PTPRM: variants seen among roughly 807,000 people sequenced by gnomAD.
The protein encoded by PTPRM is receptor-type tyrosine-protein phosphatase mu.
A neutral mutation model predicts 186.7 loss-of-function variants in PTPRM; 47 were observed. That is an observed-to-expected ratio of 0.25 (90% confidence interval 0.20 to 0.32). PTPRM has a LOEUF of 0.32. PTPRM is among the 10% of genes least tolerant of loss of function. The probability of loss-of-function intolerance (pLI) is 1.00; values close to 1 mark genes in which losing one functional copy is unlikely to be tolerated. For missense variants in PTPRM, 1,494 were observed against 1,865.0 expected, an observed-to-expected ratio of 0.80 and a Z score of 3.66; for synonymous variants, 668 against 674.9, an observed-to-expected ratio of 0.99 and a Z score of 0.16.
intron 2 of PTPRM, among the ~76,000 whole-genome samples, chr18:7,805,772 T>C (rs1368731106): frequency 1.3e-5 from 2 of 152,192 alleles, no homozygotes; most frequent in African/African-American, 4.8e-5. Context: ...ACTATGAAGA[T>C]GATAAAAGGG....
At chr18:7,857,779 A>G (rs2047163477) in intron 2 of PTPRM, among the ~76,000 whole-genome samples, 1 of 152,204 alleles carries the variant, frequency 6.6e-6, no homozygotes. Flanking sequence ...CGACATCAGT[A>G]GAGGACTAGA....
At chr18:7,717,722 G>T (rs573020092) in intron 1 of PTPRM, among the ~76,000 whole-genome samples, 1 of 152,328 alleles carries the variant, frequency 6.6e-6, no homozygotes, top group African/African-American at 2.4e-5. Flanking sequence ...AGGCAATCCT[G>T]CCTGGATGCT....
At chr18:7,679,463 G>A (rs1395986297) in intron 1 of PTPRM, among the ~76,000 whole-genome samples, 1 of 152,074 alleles carries the variant, frequency 6.6e-6, no homozygotes, top group East Asian at 1.9e-4. Flanking sequence ...TCATGAGTTC[G>A]AGACTAGCCT....
intron 19 of PTPRM, among the ~76,000 whole-genome samples, chr18:8,261,802 G>A (rs548872881): frequency 1.3e-5 from 2 of 152,304 alleles, no homozygotes; most frequent in East Asian, 3.9e-4. Flanking sequence ...CTATTTGTGT[G>A]AAGCACTTCT....
intron 3 of PTPRM, among the ~76,000 whole-genome samples, chr18:7,899,393 A>C (rs542367975): frequency 6.6e-6 from 1 of 152,264 alleles, no homozygotes; most frequent in African/African-American, 2.4e-5. Context: ...GTTACAAATA[A>C]ATTTTAGGGA....
chr18:7,610,420 C>T (rs1390141882), intron 1 of PTPRM, among the ~76,000 whole-genome samples: 1 of 152,044 alleles, frequency 6.6e-6, no homozygotes, highest in East Asian at 1.9e-4. Context: ...CCAGTGTCCT[C>T]CAGAACCCTT....
chr18:8,161,720 T>C (rs1353485528), intron 14 of PTPRM, among the ~76,000 whole-genome samples: 1 of 152,198 alleles, frequency 6.6e-6, no homozygotes, highest in Non-Finnish European at 1.5e-5. Context: ...TGTTGTCTTA[T>C]ACCAACCAGG....
At chr18:8,391,964 A>T (rs1002610448) in intron 31 of PTPRM, among the ~76,000 whole-genome samples, 2 of 152,270 alleles carry the variant, frequency 1.3e-5, no homozygotes, top group Non-Finnish European at 2.9e-5. Context: ...AGAAAGCAGC[A>T]TATTAAATAA....
intron 2 of PTPRM, among the ~76,000 whole-genome samples, chr18:7,861,377 G>A (rs1471748802): frequency 6.6e-6 from 1 of 151,784 alleles, no homozygotes; most frequent in Non-Finnish European, 1.5e-5. Context: ...AAAACTAAGT[G>A]AGACTAACAA....
At chr18:7,693,891 GA>G (rs901879291) in intron 1 of PTPRM, among the ~76,000 whole-genome samples, 5 of 149,866 alleles carry the variant, frequency 3.3e-5, no homozygotes, top group African/African-American at 9.8e-5. Flanking sequence ...AGGAGTAGGG[GA>G]AGGAAGAGAT....
intron 2 of PTPRM, among the ~76,000 whole-genome samples, chr18:7,853,552 G>A (rs1201644637): frequency 6.6e-6 from 1 of 152,170 alleles, no homozygotes; most frequent in Non-Finnish European, 1.5e-5. Flanking sequence ...TTGTTCTTTG[G>A]TATTTCACTC....
intron 32 of PTPRM, among the ~76,000 whole-genome samples, chr18:8,405,733 G>T (rs147115520): frequency 4.6e-5 from 7 of 152,204 alleles, no homozygotes; most frequent in Non-Finnish European, 1.0e-4. Flanking sequence ...AGGGCCTTGT[G>T]AGAGATGTCA....
chr18:7,766,877 C>G (rs543258185), intron 1 of PTPRM, among the ~76,000 whole-genome samples: 57 of 152,226 alleles, frequency 3.7e-4, no homozygotes, highest in African/African-American at 1.4e-3. Flanking sequence ...TTGATGCTTG[C>G]CTTTAGAATT....
At chr18:8,251,276 T>A (rs1408826144) in intron 17 of PTPRM, among the ~76,000 whole-genome samples, 1 of 152,216 alleles carries the variant, frequency 6.6e-6, no homozygotes, top group East Asian at 1.9e-4. Context: ...GGAGGGCATG[T>A]TAATTATGTT....
At chr18:7,601,601 T>A (rs984121744) in intron 1 of PTPRM, among the ~76,000 whole-genome samples, 5 of 152,224 alleles carry the variant, frequency 3.3e-5, no homozygotes, top group African/African-American at 4.8e-5. Flanking sequence ...TCCTCTGGGT[T>A]TATTCTCTTC....
At chr18:8,331,236 A>C (rs1352305841) in intron 22 of PTPRM, among the ~76,000 whole-genome samples, 3 of 152,252 alleles carry the variant, frequency 2.0e-5, no homozygotes, top group Non-Finnish European at 4.4e-5. Context: ...TTCTTTCGGT[A>C]GATGGAGTTT....
chr18:7,589,617 G>A (rs1262069807), intron 1 of PTPRM, among the ~76,000 whole-genome samples: 1 of 152,124 alleles, frequency 6.6e-6, no homozygotes, highest in East Asian at 1.9e-4. Context: ...TTACAATATA[G>A]TAACTCAATT....
At chr18:7,656,591 A>G (rs939961758) in intron 1 of PTPRM, among the ~76,000 whole-genome samples, 11 of 152,170 alleles carry the variant, frequency 7.2e-5, no homozygotes, top group Non-Finnish European at 1.5e-4. Context: ...GAAAAGATCA[A>G]TGGTTGCCAG....
At chr18:7,688,751 C>CAACA (rs2039667278) in intron 1 of PTPRM, among the ~76,000 whole-genome samples, 1 of 152,138 alleles carries the variant, frequency 6.6e-6, no homozygotes, top group Admixed American at 6.5e-5. Context: ...ACATCCAGCA[C>CAACA]GGTTGGTTGT....
Sources: gnomAD v4.1 joint callset for allele counts (sites outside exome capture counted in the v4.1 genomes callset) on GRCh38, gnomAD v4.1.1 for gene constraint, MANE v1.5 for transcripts, NCBI Gene and HGNC (gene_info 2026-07-23, HGNC 2026-07-21) for gene names.